The following NBEA variants were observed in gnomAD, a reference collection of about 807,000 sequenced individuals.
NBEA encodes neurobeachin, also known as lysosomal-trafficking regulator 2.
Under a neutral mutation model 343.4 loss-of-function variants are expected in NBEA, and 44 were observed. The observed-to-expected ratio is 0.13, with a 90% confidence interval of 0.10 to 0.16. The LOEUF is 0.16. Ranked by LOEUF, NBEA falls within the 10% of genes least tolerant of loss-of-function variation. The pLI, the probability that NBEA is intolerant of heterozygous loss-of-function variation, is 1.00. For synonymous variants in NBEA, 1,175 were observed against 1,238.7 expected, an observed-to-expected ratio of 0.95 and a Z score of 1.08; for missense variants, 2,555 against 3,631.3, an observed-to-expected ratio of 0.70 and a Z score of 7.62.
At chr13:35,638,832 G>T (rs189010242) in intron 49 of NBEA, among the ~76,000 whole-genome samples, 1 of 152,156 alleles carries the variant, frequency 6.6e-6, no homozygotes, top group East Asian at 1.9e-4. Flanking sequence ...TTTTCTCTCC[G>T]GAGGAAATGA....
chr13:35,227,245 G>T (rs1301657318), intron 33 of NBEA, among the ~76,000 whole-genome samples: 2 of 151,620 alleles, frequency 1.3e-5, no homozygotes, highest in Non-Finnish European at 2.9e-5. Context: ...GCAGATCTAG[G>T]ATACATTTAC....
chr13:35,551,889 A>G (rs965955466), intron 43 of NBEA, among the ~76,000 whole-genome samples: 6 of 152,188 alleles, frequency 3.9e-5, no homozygotes, highest in Non-Finnish European at 8.8e-5. Flanking sequence ...AGCCTAAAGC[A>G]ATCTTTATCT....
intron 13 of NBEA, among the ~76,000 whole-genome samples, chr13:35,117,163 A>G (rs1484132529): frequency 6.6e-6 from 1 of 151,950 alleles, no homozygotes; most frequent in Non-Finnish European, 1.5e-5. Context: ...GGATATTAAT[A>G]TATAACAACT....
At chr13:35,037,113 G>A (rs1246250983) in intron 1 of NBEA, among the ~76,000 whole-genome samples, 2 of 152,002 alleles carry the variant, frequency 1.3e-5, no homozygotes, top group Admixed American at 6.6e-5. Flanking sequence ...TCCTCTGTGT[G>A]TTTTCTAATA....
chr13:35,539,007 T>C (rs2078684900), intron 41 of NBEA, among the ~76,000 whole-genome samples: 1 of 152,230 alleles, frequency 6.6e-6, no homozygotes, highest in Non-Finnish European at 1.5e-5. Flanking sequence ...TTTTAATCAT[T>C]ATAGACCATG....
At chr13:35,515,731 C>T (rs1347588340) in intron 41 of NBEA, among the ~76,000 whole-genome samples, 2 of 143,154 alleles carry the variant, frequency 1.4e-5, no homozygotes, top group African/African-American at 5.2e-5. Context: ...AGTACATTTC[C>T]CTTTCATGTA....
chr13:35,540,624 G>C (rs1438977482), intron 41 of NBEA, among the ~76,000 whole-genome samples: 1 of 152,146 alleles, frequency 6.6e-6, no homozygotes, highest in African/African-American at 2.4e-5. Flanking sequence ...AGTAGACACA[G>C]AGGACTCCAG....
intron 31 of NBEA, among the ~76,000 whole-genome samples, chr13:35,205,316 T>C (rs1474385671): frequency 6.6e-6 from 1 of 152,164 alleles, no homozygotes; most frequent in Non-Finnish European, 1.5e-5. Flanking sequence ...TGTAACTTGG[T>C]CATCTCAGCC....
chr13:35,633,225 C>T (rs1216609747), intron 49 of NBEA, among the ~76,000 whole-genome samples: 1 of 151,450 alleles, frequency 6.6e-6, no homozygotes, highest in Non-Finnish European at 1.5e-5. Context: ...GCCTCAGCCT[C>T]CCAAGTAGCT....
At chr13:35,337,806 TC>T (rs1006529523) in intron 36 of NBEA, among the ~76,000 whole-genome samples, 16 of 152,004 alleles carry the variant, frequency 1.1e-4, no homozygotes, top group South Asian at 2.1e-4. Flanking sequence ...GAATTTGAAA[TC>T]AGTAAGAGAA....
chr13:34,992,374 C>A (rs1363667836), intron 1 of NBEA, among the ~76,000 whole-genome samples: 2 of 150,724 alleles, frequency 1.3e-5, no homozygotes, highest in African/African-American at 4.9e-5. Flanking sequence ...CCTGCCTCAG[C>A]CTCCCGAGAA....
At chr13:35,642,856 T>C (rs1171517793) in intron 49 of NBEA, among the ~76,000 whole-genome samples, 4 of 151,844 alleles carry the variant, frequency 2.6e-5, no homozygotes, top group Non-Finnish European at 5.9e-5. Context: ...GAATGTAAGC[T>C]CTTTGAGGGC....
At chr13:34,992,009 A>G (rs939896046) in intron 1 of NBEA, among the ~76,000 whole-genome samples, 14 of 150,146 alleles carry the variant, frequency 9.3e-5, no homozygotes, top group African/African-American at 3.4e-4. Flanking sequence ...GAAAGTAGTC[A>G]TTCAGTCATT....
chr13:35,139,744 G>GTTT (rs36117821), intron 17 of NBEA, among the ~76,000 whole-genome samples: 2,256 of 60,984 alleles, frequency 0.037, 512 homozygotes, highest in Admixed American at 0.085. Context: ...GATGGATGGC[G>GTTT]TTTTTTTTTT....
chr13:35,558,712 C>T (rs1593220224), intron 44 of NBEA, among the ~76,000 whole-genome samples: 1 of 152,188 alleles, frequency 6.6e-6, no homozygotes. Flanking sequence ...TTTCAGCAAG[C>T]CCTCTAGTTG....
rs2085599063 is a variant in NBEA at position 35,671,129 on chromosome 13, T to C, written c.*138T>C. 3.3e-6 allele frequency: 2 copies of C among 604,382 alleles called. No homozygotes were observed. The highest frequency in any genetic ancestry group is 5.6e-5 in the Admixed American group (2 of 35,702). The allele number at this position is 604,382 out of a possible 1,614,324, so 37.4% of individuals were successfully genotyped here. On this transcript the variant is annotated 3_prime_UTR_variant, in exon 59 of 59. Transcript: ENST00000379939. Reference sequence around the variant, plus strand: ...CATCACACCCAGCAATAGCTGTACATTGTAGTCAGCAACCATTTTACTTTG... The same window carrying C: ...CATCACACCCAGCAATAGCTGTACACTGTAGTCAGCAACCATTTTACTTTG...
At chr13:35,665,007 T>C (rs1189160109) in intron 55 of NBEA, 78 bp from the exon 56 acceptor site, 22 of 971,370 alleles carry the variant, frequency 2.3e-5, no homozygotes, top group Non-Finnish European at 3.4e-5. Flanking sequence ...TGGGTATTTT[T>C]TGAATATTGC....
At chr13:34,979,031 TGACA>T (rs1322911620) in intron 1 of NBEA, among the ~76,000 whole-genome samples, 1 of 152,202 alleles carries the variant, frequency 6.6e-6, no homozygotes, top group Non-Finnish European at 1.5e-5. Context: ...TTTAGAAACC[TGACA>T]GACCATTTTA....
At chr13:35,034,664 T>C (rs58422786) in intron 1 of NBEA, among the ~76,000 whole-genome samples, 16,508 of 151,420 alleles carry the variant, frequency 0.11, 1,090 homozygotes, top group African/African-American at 0.17. Flanking sequence ...AGCAGTGAAG[T>C]GCTTTTCTTT....
Sources: allele counts gnomAD v4.1 joint callset (sites outside exome capture counted in the v4.1 genomes callset), GRCh38; gene constraint gnomAD v4.1.1; transcripts MANE v1.5; gene names NCBI Gene and HGNC (gene_info 2026-07-23, HGNC 2026-07-21).